The following CEP128 variants were observed in gnomAD, a reference collection of about 807,000 sequenced individuals.
CEP128 encodes the protein centrosomal protein 128, also known as centrosomal protein 128kDa.
CEP128 carries 132 observed loss-of-function variants against 156.7 expected under a neutral mutation model. The observed-to-expected ratio is 0.84, with a 90% CI of 0.73 to 0.97. CEP128 has a LOEUF of 0.97. Ranked by LOEUF, CEP128 falls within the 50% of genes least tolerant of loss-of-function variation. The pLI, the probability that CEP128 is intolerant of heterozygous loss-of-function variation, is 0.00. For missense variants in CEP128, 1,252 were observed against 1,281.9 expected, an observed-to-expected ratio of 0.98 and a Z score of 0.36; for synonymous variants, 469 against 448.9, an observed-to-expected ratio of 1.04 and a Z score of -0.57.
At chr14:80,608,231 T>G (rs970803644) in intron 19 of CEP128, among the ~76,000 whole-genome samples, 2 of 152,230 alleles carry the variant, frequency 1.3e-5, no homozygotes, top group Non-Finnish European at 2.9e-5. Context: ...TCTATATATT[T>G]GTTTAATTGT....
chr14:80,604,770 T>C (rs1295610262), intron 19 of CEP128, among the ~76,000 whole-genome samples: 2 of 152,142 alleles, frequency 1.3e-5, no homozygotes, highest in Non-Finnish European at 2.9e-5. Context: ...TCAAACTCTT[T>C]GGTAAGTACC....
chr14:80,597,412 A>G (rs1892376522), intron 19 of CEP128, among the ~76,000 whole-genome samples: 1 of 152,194 alleles, frequency 6.6e-6, no homozygotes, highest in Non-Finnish European at 1.5e-5. Flanking sequence ...AACTATTCAG[A>G]ACAATAGATG....
chr14:80,890,096 A>G (rs956762776), intron 8 of CEP128, among the ~76,000 whole-genome samples: 11 of 152,226 alleles, frequency 7.2e-5, no homozygotes, highest in African/African-American at 2.7e-4. Flanking sequence ...CACGCCAGTT[A>G]GAATGGTGAT....
intron 19 of CEP128, among the ~76,000 whole-genome samples, chr14:80,713,991 C>G (rs1384432592): frequency 6.6e-6 from 1 of 152,050 alleles, no homozygotes; most frequent in Non-Finnish European, 1.5e-5. Flanking sequence ...TCTCACTCTG[C>G]TGAGTAGTGA....
At chr14:80,828,130 T>TC (rs1459451360) in intron 13 of CEP128, among the ~76,000 whole-genome samples, 1 of 148,420 alleles carries the variant, frequency 6.7e-6, no homozygotes, top group African/African-American at 2.5e-5. Context: ...TTTCTTTTTT[T>TC]TTTTTTTTTT....
intron 19 of CEP128, among the ~76,000 whole-genome samples, chr14:80,604,781 A>G (rs1391904370): frequency 6.6e-6 from 1 of 152,112 alleles, no homozygotes; most frequent in African/African-American, 2.4e-5. Context: ...GGTAAGTACC[A>G]TGTTCAGGAG....
chr14:80,717,870 A>G (rs1239446441), intron 19 of CEP128, among the ~76,000 whole-genome samples: 1 of 152,082 alleles, frequency 6.6e-6, no homozygotes, highest in African/African-American at 2.4e-5. Flanking sequence ...GCTGGAGTGC[A>G]GTGGCACAAT....
chr14:80,947,554 G>A (rs1283761980), intron 2 of CEP128, among the ~76,000 whole-genome samples: 2 of 152,108 alleles, frequency 1.3e-5, no homozygotes, highest in African/African-American at 4.8e-5. Context: ...CTAAGCACTG[G>A]GCCTTTCTGA....
intron 9 of CEP128, among the ~76,000 whole-genome samples, chr14:80,848,215 G>A (rs758601938): frequency 6.6e-6 from 1 of 152,190 alleles, no homozygotes; most frequent in Non-Finnish European, 1.5e-5. Context: ...CTGAACATGA[G>A]CGCACAAACC....
intron 19 of CEP128, among the ~76,000 whole-genome samples, chr14:80,640,022 G>T (rs1263849920): frequency 6.6e-6 from 1 of 152,066 alleles, no homozygotes; most frequent in Non-Finnish European, 1.5e-5. Flanking sequence ...ACAAAGCATT[G>T]TCTCAAACTT....
At chr14:80,888,543 C>A (rs1888923835) in intron 8 of CEP128, among the ~76,000 whole-genome samples, 1 of 152,156 alleles carries the variant, frequency 6.6e-6, no homozygotes, top group Non-Finnish European at 1.5e-5. Flanking sequence ...ATGATTATCT[C>A]AATAGATGCA....
At chr14:80,607,784 A>C (rs945599472) in intron 19 of CEP128, among the ~76,000 whole-genome samples, 1 of 152,208 alleles carries the variant, frequency 6.6e-6, no homozygotes, top group Admixed American at 6.5e-5. Flanking sequence ...CTTTTTAACT[A>C]ATAGACTTTC....
At chr14:80,798,758 T>C (rs1883647725) in intron 13 of CEP128, among the ~76,000 whole-genome samples, 1 of 152,214 alleles carries the variant, frequency 6.6e-6, no homozygotes, top group South Asian at 2.1e-4. Context: ...TAAAGTAGAC[T>C]ACCACACAGG....
At chr14:80,913,936 A>T (rs1466117412) in intron 4 of CEP128, among the ~76,000 whole-genome samples, 2 of 152,236 alleles carry the variant, frequency 1.3e-5, no homozygotes, top group African/African-American at 2.4e-5. Context: ...TTAAAAAATT[A>T]AAAAGGGGCT....
At chr14:80,943,697 A>C (rs915196425), upstream of CEP128, among the ~76,000 whole-genome samples, 5 of 152,214 alleles carry the variant, frequency 3.3e-5, no homozygotes, top group Non-Finnish European at 7.3e-5. Context: ...ATCCCAAAAA[A>C]ATGTAGTGAA....
At chr14:80,928,938 A>C (rs537948921) in intron 2 of CEP128, among the ~76,000 whole-genome samples, 1 of 152,272 alleles carries the variant, frequency 6.6e-6, no homozygotes, top group East Asian at 1.9e-4. Context: ...CAGAGCAAAC[A>C]ACCTACAGGA....
intron 19 of CEP128, among the ~76,000 whole-genome samples, chr14:80,721,431 G>A (rs1282738050): frequency 6.6e-6 from 1 of 152,082 alleles, no homozygotes; most frequent in African/African-American, 2.4e-5. Flanking sequence ...ATTCAGGTGT[G>A]CTCTAAGGGT....
chr14:80,900,988 C>T (rs1411908982), intron 6 of CEP128, among the ~76,000 whole-genome samples: 1 of 151,722 alleles, frequency 6.6e-6, no homozygotes, highest in Non-Finnish European at 1.5e-5. Context: ...GGGCGGATCA[C>T]GAGGTCAGGA....
intron 8 of CEP128, among the ~76,000 whole-genome samples, chr14:80,889,965 A>C (rs564106355): frequency 6.6e-6 from 1 of 152,328 alleles, no homozygotes; most frequent in Non-Finnish European, 1.5e-5. Flanking sequence ...AAACTGGGCA[A>C]AGGATATGAA....
Sources: gnomAD v4.1 joint callset for allele counts (sites outside exome capture counted in the v4.1 genomes callset) on GRCh38, gnomAD v4.1.1 for gene constraint, MANE v1.5 for transcripts, NCBI Gene and HGNC (gene_info 2026-07-23, HGNC 2026-07-21) for gene names.